Variants in EXOC5 observed in about 807,000 individuals in gnomAD.
EXOC5 encodes SEC10-like 1.
EXOC5 carries 17 observed loss-of-function variants against 90.8 expected under a neutral mutation model. The observed-to-expected ratio is 0.19, with a 90% CI of 0.13 to 0.28. The LOEUF (loss-of-function observed/expected upper bound fraction) is 0.28, where lower values mean the gene tolerates loss of function less well. EXOC5 is among the 10% of genes least tolerant of loss of function. The pLI is 1.00. For synonymous variants in EXOC5, 260 were observed against 270.0 expected, an observed-to-expected ratio of 0.96 and a Z score of 0.36; for missense variants, 569 against 830.6, an observed-to-expected ratio of 0.69 and a Z score of 3.87.
At chr14:57,234,535 G>GTA (rs1481251537) in intron 7 of EXOC5, among the ~76,000 whole-genome samples, 29 of 146,522 alleles carry the variant, frequency 2.0e-4, no homozygotes, top group African/African-American at 7.1e-4. Flanking sequence ...GTGTGTGTGT[G>GTA]TGTATATATA....
intron 7 of EXOC5, among the ~76,000 whole-genome samples, chr14:57,235,303 C>T (rs1883623903): frequency 6.6e-6 from 1 of 152,058 alleles, no homozygotes; most frequent in Non-Finnish European, 1.5e-5. Flanking sequence ...CTCCTGAGGT[C>T]CCCTGGATTT....
chr14:57,228,066 AAAG>A (rs1445440123), intron 12 of EXOC5, among the ~76,000 whole-genome samples: 1 of 152,072 alleles, frequency 6.6e-6, no homozygotes, highest in Non-Finnish European at 1.5e-5. Context: ...GCACTTCTCA[AAAG>A]AAGACATTTA....
chr14:57,203,650 T>G lies in EXOC5; in HGVS notation c.*4959A>C, dbSNP rs566183293. 6.5e-6 allele frequency: 1 copy of G among 152,710 alleles called. No homozygotes were observed. Among genetic ancestry groups the G allele is most frequent in the African/African-American group, 2.4e-5 (1 of 41,564 alleles). 9.5% of individuals were successfully genotyped at this position (152,710 alleles called of 1,614,324 possible). A position where few individuals can be genotyped will look rare whatever the true frequency, so the allele number is the denominator to read the frequency against. ...GTCACTAGGCACTTATAATTCTACA[T>G]TTTACTGACCTTTCACTGATTATAA... On this transcript the variant is annotated 3_prime_UTR_variant, in exon 18 of 18. Coordinates refer to ENST00000621441, the MANE Select transcript of EXOC5 (RefSeq NM_006544.4).
intron 1 of EXOC5, among the ~76,000 whole-genome samples, chr14:57,261,535 T>A (rs937055852): frequency 2.0e-5 from 3 of 152,256 alleles, no homozygotes; most frequent in African/African-American, 7.2e-5. Context: ...GGCTATTAGA[T>A]CTTGGTGCAG....
intron 1 of EXOC5, among the ~76,000 whole-genome samples, chr14:57,256,800 C>T (rs931240189): frequency 6.6e-6 from 1 of 152,174 alleles, no homozygotes; most frequent in Non-Finnish European, 1.5e-5. Context: ...GTATAAGGGC[C>T]AGACCACTTT....
rs562162129 is a variant in EXOC5, at chr14:57,265,348, T to C, written c.27+3274A>G. Among the ~76,000 whole-genome samples, 18 of 152,150 alleles carry C rather than the reference T, an allele frequency of 1.2e-4. No individual in the cohort carries two copies. The South Asian group carries it at 3.7e-3, about 32-fold the overall frequency. On this transcript the variant is annotated intron_variant, in intron 1 of 17. Coordinates refer to ENST00000621441, the MANE Select transcript of EXOC5 (RefSeq NM_006544.4). ...GAGAAAAGCGAAGATTCTTGAAGAATTATGGGGGAAAAAATTAAGCAAATG... is the reference window on the plus strand; with the variant it reads ...GAGAAAAGCGAAGATTCTTGAAGAACTATGGGGGAAAAAATTAAGCAAATG...
chr14:57,257,701 A>T (rs1884392139), intron 1 of EXOC5, among the ~76,000 whole-genome samples: 1 of 152,122 alleles, frequency 6.6e-6, no homozygotes, highest in South Asian at 2.1e-4. Flanking sequence ...AATAAATAAA[A>T]ATTTAAAAAT....
chr14:57,247,971 G>A lies in EXOC5; in HGVS notation c.28-259C>T, dbSNP rs144980745. Among the ~76,000 whole-genome samples, 235 of 151,840 alleles carry A rather than the reference G, an allele frequency of 1.5e-3. 1 individual carries two copies. The highest frequency in any genetic ancestry group is 5.6e-3 in the African/African-American group (231 of 41,494). On this transcript the variant is annotated intron_variant, in intron 1 of 17. Transcript: ENST00000621441. ...AACTGGAACAACTCAACAGAAAAAT[G>A]AGCAAAGTAAACAAACAAGTAATTT...
Position 57,230,938 on chromosome 14 carries a change from A to G in EXOC5, c.1148+568T>C, listed in dbSNP as rs538572735. Among the ~76,000 whole-genome samples the G allele has an allele frequency of 1.8e-3, 275 of 151,758 alleles. 1 individual carries two copies. The highest frequency in any genetic ancestry group is 6.2e-3 in the African/African-American group (258 of 41,468). On this transcript the variant is annotated intron_variant, in intron 11 of 17. Coordinates refer to ENST00000621441, the MANE Select transcript of EXOC5 (RefSeq NM_006544.4). ...AAAAAAAAATGAAAGAAACTATGGA[A>G]CTTTTTATATTACTAGTGTTCTGCT... is the stretch of plus-strand genomic sequence containing the variant.
At chr14:57,256,083 G>C (rs960820085) in intron 1 of EXOC5, among the ~76,000 whole-genome samples, 3 of 152,140 alleles carry the variant, frequency 2.0e-5, no homozygotes, top group East Asian at 1.9e-4. Context: ...AACATAGTAA[G>C]AGTGTCATTA....
In EXOC5 at chr14:57,209,598, G is replaced by C; in HGVS notation, c.1907C>G (p.Ala636Gly). 2 of 1,612,670 alleles carry C rather than the reference G, an allele frequency of 1.2e-6. No homozygotes were observed. The highest frequency in any genetic ancestry group is 4.5e-5 in the East Asian group (2 of 44,830). Residue 636 changes from alanine (A) to glycine (G), a missense_variant, in exon 17 of 18, where the codon GCC (alanine) becomes GGC (glycine). Ala to Gly is a moderately conservative substitution (Grantham distance 60, BLOSUM62 0). Around this residue, in one of 9 missense-constraint regions of EXOC5, gnomAD observed 122 missense variants for 180.0 expected, o/e 0.68. Transcript: ENST00000621441. Reference protein sequence around the residue: ...MGGMLAICDVAEYRKCAKDFK... With the variant: ...MGGMLAICDVGEYRKCAKDFK... ...GTCTTTGGCACACTTCCTATATTCG[G>C]CTACATCACAAATGGCCAACATGCC... is the stretch of plus-strand genomic sequence containing the variant.
chr14:57,235,930 AG>A, intron 6 of EXOC5, 110 bp from the exon 7 acceptor site: 1 of 636,122 alleles, frequency 1.6e-6, no homozygotes, highest in Non-Finnish European at 2.8e-6. Context: ...TTTCTTTTGA[AG>A]GAATTACAAA....
intron 1 of EXOC5, among the ~76,000 whole-genome samples, chr14:57,265,166 A>G (rs1045823214): frequency 6.7e-6 from 1 of 149,048 alleles, no homozygotes; most frequent in African/African-American, 2.5e-5. Context: ...ATCTCATAGG[A>G]TTAATATTTC....
rs1882670950 is a variant in EXOC5, at chr14:57,206,806, G to C, written c.*1803C>G. 1 of 152,414 alleles carries C rather than the reference G, an allele frequency of 6.6e-6. No individual in the cohort carries two copies. Among genetic ancestry groups the C allele is most frequent in the Non-Finnish European group, 1.5e-5 (1 of 67,918 alleles). 9.4% of individuals were successfully genotyped at this position (152,414 alleles called of 1,614,324 possible). On this transcript the variant is annotated 3_prime_UTR_variant, in exon 18 of 18. Coordinates refer to ENST00000621441, the MANE Select transcript of EXOC5 (RefSeq NM_006544.4). ...TAATTTGAAGCACTTCTCTGATTTG[G>C]AAGTCTTAAAATGTTATCTCATGTT...
chr14:57,208,565 C>A lies in EXOC5; in HGVS notation c.*44G>T. 1 of 1,462,536 alleles carries A rather than the reference C, an allele frequency of 6.8e-7. No individual in the cohort carries two copies. 90.6% of individuals were successfully genotyped at this position (1,462,536 alleles called of 1,614,324 possible). A position where few individuals can be genotyped will look rare whatever the true frequency, so the allele number is the denominator to read the frequency against. On this transcript the variant is annotated 3_prime_UTR_variant, in exon 18 of 18. Transcript: ENST00000621441. ...GAGGGCTGCTGAAGTATAAGACATT[C>A]CTCTGTAAAGGAACTGACACTGAAT...
intron 4 of EXOC5, among the ~76,000 whole-genome samples, chr14:57,241,175 G>A (rs376876435): frequency 3.9e-5 from 6 of 152,132 alleles, no homozygotes; most frequent in East Asian, 1.9e-4. Flanking sequence ...TTTCTAAGTA[G>A]GCATGTGAAC....
Position 57,218,087 on chromosome 14 carries a change from G to A in EXOC5, c.1527-19C>T. On this transcript the variant is annotated intron_variant, in intron 14 of 17. Coordinates refer to ENST00000621441, the MANE Select transcript of EXOC5 (RefSeq NM_006544.4). ...AGAAGAGCTATTGTATATTTAAAAT[G>A]GAAAAAGAATCATATTAATAGTCTA... 1 of 1,214,350 alleles carries A rather than the reference G, an allele frequency of 8.2e-7. No individual in the cohort carries two copies. Among genetic ancestry groups the A allele is most frequent in the South Asian group, 1.3e-5 (1 of 77,376 alleles). The allele number at this position is 1,214,350 out of a possible 1,614,324, so 75.2% of individuals were successfully genotyped here.
intron 1 of EXOC5, among the ~76,000 whole-genome samples, chr14:57,256,386 A>G (rs1222458197): frequency 1.3e-5 from 2 of 152,184 alleles, no homozygotes; most frequent in Non-Finnish European, 2.9e-5. Flanking sequence ...TACCAGTTGA[A>G]GGTAAGGCAG....
chr14:57,254,769 C>A (rs1884299275), intron 1 of EXOC5, among the ~76,000 whole-genome samples: 1 of 152,150 alleles, frequency 6.6e-6, no homozygotes, highest in African/African-American at 2.4e-5. Flanking sequence ...AAAAAGAAAT[C>A]TCTCTCTGCA....
Sources: gnomAD v4.1 joint callset for allele counts (sites outside exome capture counted in the v4.1 genomes callset) on GRCh38, gnomAD v4.1.1 for gene constraint, gnomAD v4.1.1 regional missense constraint, MANE v1.5 for transcripts, NCBI Gene and HGNC (gene_info 2026-07-23, HGNC 2026-07-21) for gene names.